KCNT2: variants seen among roughly 807,000 people sequenced by gnomAD.
KCNT2 encodes potassium channel subfamily T member 2.
Under a neutral mutation model 153.8 loss-of-function variants are expected in KCNT2, and 67 were observed. That is an observed-to-expected ratio of 0.44 (90% CI 0.36 to 0.53). The LOEUF (loss-of-function observed/expected upper bound fraction) is 0.53. Ranked by LOEUF, KCNT2 falls within the 20% of genes least tolerant of loss-of-function variation. KCNT2 has a pLI of 0.00. For missense variants in KCNT2, 975 were observed against 1,354.8 expected (o/e 0.72, Z 4.40); for synonymous variants, 500 against 458.8 (o/e 1.09, Z -1.15).
chr1:196,376,817 G>A (rs960031321), intron 13 of KCNT2, among the ~76,000 whole-genome samples: 18 of 152,092 alleles, frequency 1.2e-4, no homozygotes, highest in Admixed American at 5.3e-4. Flanking sequence ...TTTCTGACCC[G>A]CTTCCTCATA....
At chr1:196,515,623 AACAACG>A (rs1681984847) in intron 1 of KCNT2, among the ~76,000 whole-genome samples, 1 of 152,192 alleles carries the variant, frequency 6.6e-6, no homozygotes, top group South Asian at 2.1e-4. Flanking sequence ...CTCATTAAAA[AACAACG>A]ACAACAATAA....
chr1:196,265,820 T>C (rs111870251), intron 25 of KCNT2, among the ~76,000 whole-genome samples: 7,557 of 152,198 alleles, frequency 0.05, 283 homozygotes, highest in Non-Finnish European at 0.071. Flanking sequence ...TGGGACTCTG[T>C]GGCATACCCA....
intron 1 of KCNT2, among the ~76,000 whole-genome samples, chr1:196,593,517 G>C (rs972765056): frequency 2.6e-5 from 4 of 151,748 alleles, no homozygotes; most frequent in Admixed American, 2.6e-4. Context: ...CCCAGTAGTG[G>C]GATTGGTTTC....
At chr1:196,347,941 T>A (rs1255765474) in intron 14 of KCNT2, among the ~76,000 whole-genome samples, 1 of 152,188 alleles carries the variant, frequency 6.6e-6, no homozygotes, top group Non-Finnish European at 1.5e-5. Flanking sequence ...ATTCTTAATA[T>A]CTTGCTTCCC....
Position 196,273,117 on chromosome 1 carries a change from G to A in KCNT2, c.2910+7743C>T, listed in dbSNP as rs913317092. On this transcript the variant is annotated intron_variant, in intron 25 of 27. Transcript: ENST00000294725. ...AAGGGTTCTCCTGCATAGTAAAGGA[G>A]GTCTACTCTAAAAAGTTGAAAAGCA... is the stretch of plus-strand genomic sequence containing the variant. Among the ~76,000 whole-genome samples, 5 of 151,664 alleles carry A rather than the reference G, an allele frequency of 3.3e-5. No individual in the cohort carries two copies. In the South Asian group the frequency reaches 6.2e-4, roughly 19 times the overall value.
intron 25 of KCNT2, among the ~76,000 whole-genome samples, chr1:196,273,943 T>C (rs1263185037): frequency 6.6e-6 from 1 of 151,624 alleles, no homozygotes; most frequent in African/African-American, 2.4e-5. Context: ...TAGAAGAAAA[T>C]AAAATAATTG....
rs115204237 is a variant in KCNT2 at position 196,400,828 on chromosome 1, C to T, written c.1186-2157G>A. Among the ~76,000 whole-genome samples the T allele has an allele frequency of 3.3e-3, 499 of 151,822 alleles. 3 individuals carry two copies. Among genetic ancestry groups the T allele is most frequent in the African/African-American group, 0.012 (481 of 41,480 alleles). On this transcript the variant is annotated intron_variant, in intron 12 of 27. Transcript: ENST00000294725. ...ACAAGCATACAAAGGCCCTAGTAAA[C>T]GAACTAAAGTAGGCAGATTTTAGAG...
intron 26 of KCNT2, chr1:196,257,433 C>T: frequency 3.1e-6 from 3 of 969,014 alleles, no homozygotes; most frequent in Middle Eastern, 5.3e-4. Context: ...ATGATACTAA[C>T]CCTATCTGAG....
At chr1:196,315,801 C>A in intron 21 of KCNT2, 91 bp downstream of exon 21, 7 of 1,144,014 alleles carry the variant, frequency 6.1e-6, no homozygotes, top group Non-Finnish European at 8.6e-6. Context: ...GTTGGTGTGT[C>A]TCATGTTCAT....
chr1:196,545,947 C>T (rs1044868913), intron 1 of KCNT2, among the ~76,000 whole-genome samples: 10 of 151,968 alleles, frequency 6.6e-5, no homozygotes, highest in Admixed American at 6.6e-4. Flanking sequence ...CACATTTCTA[C>T]TTTTGGGCTA....
chr1:196,518,623 CA>C, intron 1 of KCNT2, among the ~76,000 whole-genome samples: 1 of 151,724 alleles, frequency 6.6e-6, no homozygotes, highest in South Asian at 2.1e-4. Context: ...GCAGAGGTTG[CA>C]ATGCTAATTT....
intron 14 of KCNT2, among the ~76,000 whole-genome samples, chr1:196,362,106 C>T (rs1160539721): frequency 1.3e-5 from 2 of 151,998 alleles, no homozygotes; most frequent in Admixed American, 1.3e-4. Context: ...GAGCATGCTC[C>T]CCCACTTTTT....
chr1:196,598,649 T>G (rs900037405), intron 1 of KCNT2, among the ~76,000 whole-genome samples: 5 of 152,202 alleles, frequency 3.3e-5, no homozygotes, highest in African/African-American at 1.2e-4. Context: ...AAATCACATT[T>G]GTGTATGTTG....
At chr1:196,584,099 G>A (rs1662373658) in intron 1 of KCNT2, among the ~76,000 whole-genome samples, 1 of 151,366 alleles carries the variant, frequency 6.6e-6, no homozygotes, top group Non-Finnish European at 1.5e-5. Context: ...AACTATAAAG[G>A]CAGGGTCTGG....
intron 25 of KCNT2, among the ~76,000 whole-genome samples, chr1:196,265,385 A>T (rs113963297): frequency 6.6e-6 from 1 of 152,096 alleles, no homozygotes; most frequent in Non-Finnish European, 1.5e-5. Flanking sequence ...TAATGCCTGG[A>T]AGCATCAGTA....
chr1:196,423,292 CA>C (rs1008684784), intron 11 of KCNT2, among the ~76,000 whole-genome samples, 179 bp from the exon 12 acceptor site: 43 of 150,452 alleles, frequency 2.9e-4, no homozygotes, highest in Non-Finnish European at 4.3e-4. Context: ...TGATTTTGAA[CA>C]AAAAAAAATT....
chr1:196,284,719 A>G (rs1659498336), intron 23 of KCNT2, among the ~76,000 whole-genome samples: 1 of 152,092 alleles, frequency 6.6e-6, no homozygotes, highest in African/African-American at 2.4e-5. Context: ...AGGGGTATTT[A>G]TTCTACTTTG....
At chr1:196,492,421 T>C in intron 1 of KCNT2, 80 bp from the exon 2 acceptor site, 2 of 1,023,702 alleles carry the variant, frequency 2.0e-6, no homozygotes, top group Non-Finnish European at 2.6e-6. Context: ...AAATATAAAT[T>C]GATCTGTAGT....
chr1:196,353,454 G>T (rs548383291), intron 14 of KCNT2, among the ~76,000 whole-genome samples: 1 of 151,834 alleles, frequency 6.6e-6, no homozygotes, highest in Non-Finnish European at 1.5e-5. Flanking sequence ...CACCAAACCT[G>T]GGGCAACATG....
Sources: gnomAD v4.1 joint callset for allele counts (sites outside exome capture counted in the v4.1 genomes callset) on GRCh38, gnomAD v4.1.1 for gene constraint, MANE v1.5 for transcripts, NCBI Gene and HGNC (gene_info 2026-07-23, HGNC 2026-07-21) for gene names.